The following LMAN1L variants were observed in gnomAD, a reference collection of about 807,000 sequenced individuals.
LMAN1L encodes protein ERGIC-53-like.
LMAN1L carries 60 observed loss-of-function variants against 58.3 expected under a neutral mutation model. The observed-to-expected ratio is 1.03, with a 90% CI of 0.84 to 1.27. The LOEUF (loss-of-function observed/expected upper bound fraction) is 1.27. LMAN1L is among the 50% of genes most tolerant of loss of function. The pLI is 0.00. For missense variants in LMAN1L, 629 were observed against 674.0 expected (o/e 0.93, Z 0.74); for synonymous variants, 280 against 271.6 (o/e 1.03, Z -0.31).
intron 6 of LMAN1L, 198 bp from the exon 7 acceptor site, chr15:74,819,846 A>C: frequency 1.6e-6 from 1 of 627,560 alleles, no homozygotes; most frequent in South Asian, 1.8e-5. Context: ...ACTGAGTGTG[A>C]GGTTCAACCC....
At position 74,820,779 on chromosome 15, in the gene LMAN1L, G is replaced by C. The variant is rs753493192; in HGVS notation, c.907+12G>C. ...AGCTCAAGGAGAAGGTAGGGACCGAGAGAGCGGGCAGGTGGCGCCCATCTG... is the reference window on the plus strand; with the variant it reads ...AGCTCAAGGAGAAGGTAGGGACCGACAGAGCGGGCAGGTGGCGCCCATCTG... On this transcript the variant is annotated intron_variant, in intron 8 of 13. Coordinates refer to ENST00000309664, the MANE Select transcript of LMAN1L (RefSeq NM_021819.3). 5 of 1,606,524 alleles carry C rather than the reference G, an allele frequency of 3.1e-6. No individual in the cohort carries two copies. Among genetic ancestry groups the C allele is most frequent in the Non-Finnish European group, 4.3e-6 (5 of 1,175,922 alleles).
chr15:74,822,583 G>A (rs2063922000), intron 10 of LMAN1L, 59 bp from the exon 11 acceptor site: 1 of 1,395,532 alleles, frequency 7.2e-7, no homozygotes. Flanking sequence ...TGGGAAGGTG[G>A]GCTCTGAGAA....
At position 74,812,870 on chromosome 15, in the gene LMAN1L, G is replaced by A; in HGVS notation, c.16G>A (p.Gly6Ser). The A allele has an allele frequency of 1.2e-6, 2 of 1,602,240 alleles. No homozygotes were observed. Among genetic ancestry groups the A allele is most frequent in the Non-Finnish European group, 1.7e-6 (2 of 1,173,328 alleles). The change falls in exon 1 of 14, where the codon GGT becomes AGT. Residue 6 changes from glycine (G) to serine (S), a missense_variant. By Grantham distance (56) the Gly-to-Ser change is moderately conservative. This residue lies in a region of LMAN1L where 573 missense variants were observed against 597.3 expected (regional missense o/e 0.96). Transcript: ENST00000309664. MPAVSGPGPLFCLLLL... is the reference protein window; with the variant it reads MPAVSSPGPLFCLLLL... ...CGCCTTCACGATGCCGGCGGTCAGTGGTCCAGGTCCCTTATTCTGCCTTCT... is the reference window on the plus strand; with the variant it reads ...CGCCTTCACGATGCCGGCGGTCAGTAGTCCAGGTCCCTTATTCTGCCTTCT...
At chr15:74,823,319 C>A (rs2063925473) in intron 11 of LMAN1L, among the ~76,000 whole-genome samples, 1 of 152,098 alleles carries the variant, frequency 6.6e-6, no homozygotes, top group East Asian at 1.9e-4. Context: ...GAATGGAAGG[C>A]AGAGCCGGGG....
In LMAN1L at chr15:74,813,520, T is replaced by C. The variant is rs760210642; in HGVS notation, c.175+491T>C. On this transcript the variant is annotated intron_variant, in intron 1 of 13. Coordinates refer to ENST00000309664, the MANE Select transcript of LMAN1L (RefSeq NM_021819.3). Reference sequence around the variant, plus strand: ...CCCTTCCCTGTATGTGTGTTGTGGGTGGAAGCAGGCATGAGAGCATCTTAG... The same window carrying C: ...CCCTTCCCTGTATGTGTGTTGTGGGCGGAAGCAGGCATGAGAGCATCTTAG... The C allele has an allele frequency of 5.1e-5, 23 of 455,264 alleles. No individual in the cohort carries two copies. In the East Asian group the frequency reaches 9.7e-4, roughly 19 times the overall value. The allele number at this position is 455,264 out of a possible 1,614,324, so 28.2% of individuals were successfully genotyped here.
At chr15:74,816,387 C>A (rs1346445984) in intron 2 of LMAN1L, 40 bp from the exon 3 acceptor site, 2 of 1,588,728 alleles carry the variant, frequency 1.3e-6, no homozygotes, top group Non-Finnish European at 8.6e-7. Flanking sequence ...GTCCCAGTAT[C>A]CCACACGGTT....
At chr15:74,815,640 T>C (rs1196859650) in intron 1 of LMAN1L, among the ~76,000 whole-genome samples, 1 of 152,238 alleles carries the variant, frequency 6.6e-6, no homozygotes, top group Non-Finnish European at 1.5e-5. Context: ...TGGCCTCATT[T>C]GGCCACAGCC....
intron 11 of LMAN1L, among the ~76,000 whole-genome samples, chr15:74,823,285 A>G (rs1248013905): frequency 2.0e-5 from 3 of 152,144 alleles, no homozygotes; most frequent in African/African-American, 7.2e-5. Flanking sequence ...GAAGAAGGAA[A>G]GGAGTTAAAT....
At chr15:74,820,382 C>G in intron 7 of LMAN1L, 1 of 623,560 alleles carries the variant, frequency 1.6e-6, no homozygotes, top group African/African-American at 1.8e-5. Flanking sequence ...CCCAACCAGC[C>G]AGGGGGTCAA....
intron 6 of LMAN1L, chr15:74,819,570 AC>A: frequency 1.9e-6 from 1 of 525,700 alleles, no homozygotes; most frequent in South Asian, 3.2e-5. Context: ...GAAATGTGAC[AC>A]CATGGAGAGT....
chr15:74,821,788 A>C lies in LMAN1L; in HGVS notation c.1060-41A>C, dbSNP rs201949669. On this transcript the variant is annotated intron_variant, in intron 9 of 13. Transcript: ENST00000309664. ...GCTAGTGTGGGGAAGAGGGGAGGGG[A>C]CTTACACTCCAGGGCCAAGCCTCTC... 2.6e-4 allele frequency: 356 copies of C among 1,347,424 alleles called. No individual in the cohort carries two copies. In the Middle Eastern group the frequency reaches 5.1e-3, roughly 19 times the overall value. The allele number at this position is 1,347,424 out of a possible 1,614,324, so 83.5% of individuals were successfully genotyped here.
intron 1 of LMAN1L, among the ~76,000 whole-genome samples, chr15:74,814,798 C>T (rs2063883532): frequency 6.6e-6 from 1 of 152,300 alleles, no homozygotes; most frequent in East Asian, 1.9e-4. Context: ...CATGAGCCAC[C>T]GCGCCCAGCC....
At chr15:74,820,513 A>T in intron 7 of LMAN1L, 122 bp from the exon 8 acceptor site, 2 of 1,305,996 alleles carry the variant, frequency 1.5e-6, no homozygotes, top group Non-Finnish European at 2.2e-6. Flanking sequence ...AGAGGGCTGG[A>T]AACTGCAGGG....
At chr15:74,816,110 AGATGGGG>A (rs2063888846) in intron 1 of LMAN1L, 40 bp from the exon 2 acceptor site, 29 of 1,520,722 alleles carry the variant, frequency 1.9e-5, no homozygotes, top group Middle Eastern at 2.3e-4. Context: ...GTGAAGGGGG[AGATGGGG>A]TGTAGTGGAG....
chr15:74,818,970 A>C (rs2141115350), intron 5 of LMAN1L, among the ~76,000 whole-genome samples, 153 bp downstream of exon 5: 1 of 152,364 alleles, frequency 6.6e-6, no homozygotes, highest in South Asian at 2.1e-4. Context: ...ATCCCTACAC[A>C]GAATCCTAAC....
At chr15:74,820,576 C>T (rs2063911909) in intron 7 of LMAN1L, 59 bp from the exon 8 acceptor site, 1 of 1,605,180 alleles carries the variant, frequency 6.2e-7, no homozygotes, top group African/African-American at 1.3e-5. Context: ...TGGGAAGGCT[C>T]CCCTTGCTTC....
intron 5 of LMAN1L, 72 bp from the exon 6 acceptor site, chr15:74,819,080 C>A: frequency 6.5e-7 from 1 of 1,533,278 alleles, no homozygotes. Flanking sequence ...ACCTGCCATC[C>A]CACGGCCAGG....
At chr15:74,816,108 G>A (rs1271195515) in intron 1 of LMAN1L, 49 bp from the exon 2 acceptor site, 1 of 1,522,270 alleles carries the variant, frequency 6.6e-7, no homozygotes, top group Non-Finnish European at 8.8e-7. Context: ...GAGTGAAGGG[G>A]GAGATGGGGT....
At position 74,820,755 on chromosome 15, in the gene LMAN1L, G is replaced by A. The variant is rs376696618; in HGVS notation, c.895G>A (p.Ala299Thr). 16 of 1,612,768 alleles carry A rather than the reference G, an allele frequency of 9.9e-6. No homozygotes were observed. Among genetic ancestry groups the A allele is most frequent in the Non-Finnish European group, 1.4e-5 (16 of 1,179,592 alleles). Reference sequence around the variant, plus strand: ...TGTAACTCCAAAATCAGACTCTGAAGCTCAAGGAGAAGGTAGGGACCGAGA... The same window carrying A: ...TGTAACTCCAAAATCAGACTCTGAAACTCAAGGAGAAGGTAGGGACCGAGA... Reference protein sequence around the residue: ...EDVTPKSDSEAQGEGERLFDL... With the variant: ...EDVTPKSDSETQGEGERLFDL... The change falls in exon 8 of 14, where the codon GCT becomes ACT. Residue 299 changes from alanine to threonine, a missense_variant. This residue lies in a region of LMAN1L where 573 missense variants were observed against 597.3 expected (regional missense o/e 0.96). Transcript: ENST00000309664.
Sources: allele counts gnomAD v4.1 joint callset (sites outside exome capture counted in the v4.1 genomes callset), GRCh38; gene constraint gnomAD v4.1.1; regional missense constraint gnomAD v4.1.1; transcripts MANE v1.5; gene names NCBI Gene and HGNC (gene_info 2026-07-23, HGNC 2026-07-21).